Variants in RBFOX1 observed in about 807,000 individuals in gnomAD.
RBFOX1 encodes the protein RNA binding fox-1 homolog 1, also known as RNA binding protein fox-1 homolog 1.
Under a neutral mutation model 57.7 loss-of-function variants are expected in RBFOX1, and 8 were observed. The observed-to-expected ratio is 0.14, with a 90% confidence interval of 0.08 to 0.25. The LOEUF is 0.25. RBFOX1 is among the 10% of genes least tolerant of loss of function. The pLI, the probability that RBFOX1 is intolerant of heterozygous loss-of-function variation, is 1.00. For synonymous variants in RBFOX1, 326 were observed against 222.4 expected (o/e 1.47, Z -4.15); for missense variants, 611 against 548.5 (o/e 1.11, Z -1.14).
At chr16:5,398,036 G>C (rs1312617367) in intron 1 of RBFOX1, among the ~76,000 whole-genome samples, 2 of 151,560 alleles carry the variant, frequency 1.3e-5, no homozygotes, top group Non-Finnish European at 2.9e-5. Flanking sequence ...TAATTGAATT[G>C]TGGTTGGTGC....
Position 6,746,026 on chromosome 16 carries a change from A to G in RBFOX1, c.-16+91376A>G, listed in dbSNP as rs187208930. Among the ~76,000 whole-genome samples the G allele has an allele frequency of 2.0e-5, 3 of 152,376 alleles. No individual in the cohort carries two copies. The East Asian group carries it at 5.8e-4, about 29-fold the overall frequency. ...GCTTAAAAATATCATTTGCAATAGCATTTTGAACAGTGAAATACTTAGAGG... is the reference window on the plus strand; with the variant it reads ...GCTTAAAAATATCATTTGCAATAGCGTTTTGAACAGTGAAATACTTAGAGG... On this transcript the variant is annotated intron_variant, in intron 3 of 15. Coordinates refer to ENST00000550418, the MANE Select transcript of RBFOX1 (RefSeq NM_018723.4).
At chr16:7,395,759 T>A (rs1299097526) in intron 4 of RBFOX1, among the ~76,000 whole-genome samples, 1 of 152,236 alleles carries the variant, frequency 6.6e-6, no homozygotes, top group Non-Finnish European at 1.5e-5. Context: ...AATAGCAATC[T>A]GCAATAAGTT....
intron 3 of RBFOX1, among the ~76,000 whole-genome samples, chr16:6,886,256 C>T (rs7196366): frequency 0.67 from 101,019 of 151,078 alleles, 34,075 homozygotes; most frequent in East Asian, 0.85. Context: ...GAGACGAGGT[C>T]TCACCATGTT....
At chr16:5,354,177 C>G (rs534129674) in intron 1 of RBFOX1, among the ~76,000 whole-genome samples, 11 of 152,302 alleles carry the variant, frequency 7.2e-5, no homozygotes, top group African/African-American at 2.4e-4. Context: ...GGTGCACTTG[C>G]GGGAGCTGTT....
At chr16:7,440,006 C>T (rs1483017441) in intron 4 of RBFOX1, among the ~76,000 whole-genome samples, 1 of 140,162 alleles carries the variant, frequency 7.1e-6, no homozygotes, top group African/African-American at 2.7e-5. Flanking sequence ...GGCTGCAGTG[C>T]AGTGGTGAGA....
chr16:7,268,760 A>G (rs2095242127), intron 4 of RBFOX1, among the ~76,000 whole-genome samples: 1 of 152,212 alleles, frequency 6.6e-6, no homozygotes, highest in Admixed American at 6.5e-5. Context: ...TCGGCTGGGC[A>G]CAGTGGCTCA....
intron 2 of RBFOX1, among the ~76,000 whole-genome samples, chr16:5,487,418 C>T (rs1449371648): frequency 1.3e-5 from 2 of 152,180 alleles, no homozygotes; most frequent in Admixed American, 1.3e-4. Context: ...TCAGATCTTG[C>T]AGAAGCTGAC....
chr16:6,828,173 G>C (rs1196562196), intron 3 of RBFOX1, among the ~76,000 whole-genome samples: 1 of 152,126 alleles, frequency 6.6e-6, no homozygotes, highest in East Asian at 1.9e-4. Flanking sequence ...CTCACAGATG[G>C]AGTCTCAGCA....
chr16:7,495,541 G>C (rs1567503028), intron 4 of RBFOX1, among the ~76,000 whole-genome samples: 1 of 152,112 alleles, frequency 6.6e-6, no homozygotes, highest in Non-Finnish European at 1.5e-5. Context: ...ATCTCACTGT[G>C]GTTTAGATGG....
intron 3 of RBFOX1, among the ~76,000 whole-genome samples, chr16:5,641,040 A>C (rs2048852499): frequency 6.6e-6 from 1 of 151,596 alleles, no homozygotes; most frequent in African/African-American, 2.4e-5. Flanking sequence ...ACACCCATGC[A>C]CACACATATG....
At chr16:6,786,239 C>T (rs143338084) in intron 3 of RBFOX1, among the ~76,000 whole-genome samples, 1,634 of 152,260 alleles carry the variant, frequency 0.011, 34 homozygotes, top group African/African-American at 0.038. Context: ...GAACTGGACC[C>T]TCACAAGTAT....
chr16:6,762,296 A>G (rs1453387059), intron 3 of RBFOX1, among the ~76,000 whole-genome samples: 3 of 152,220 alleles, frequency 2.0e-5, no homozygotes, highest in Admixed American at 6.5e-5. Flanking sequence ...TAGTGAAAAT[A>G]CTGACTTTTG....
At chr16:6,847,554 G>A (rs926624290) in intron 3 of RBFOX1, among the ~76,000 whole-genome samples, 11 of 152,064 alleles carry the variant, frequency 7.2e-5, no homozygotes, top group Admixed American at 1.3e-4. Flanking sequence ...AAGGTGTAGG[G>A]AAGTGTGGTC....
At chr16:6,129,494 G>T (rs1302486397) in intron 1 of RBFOX1, among the ~76,000 whole-genome samples, 1 of 152,006 alleles carries the variant, frequency 6.6e-6, no homozygotes, top group African/African-American at 2.4e-5. Flanking sequence ...AGGAAACAAA[G>T]GTAGTAAAAT....
rs150316862 is a variant in RBFOX1, at chr16:6,942,429, G to C, written c.-15-109628G>C. 5.5e-3 allele frequency among the ~76,000 whole-genome samples: 844 copies of C among 152,238 alleles called. 8 individuals are homozygous for C. Among genetic ancestry groups the C allele is most frequent in the African/African-American group, 0.019 (785 of 41,520 alleles). On this transcript the variant is annotated intron_variant, in intron 3 of 15. Coordinates refer to ENST00000550418, the MANE Select transcript of RBFOX1 (RefSeq NM_018723.4). ...CTCCGTCAGCCTCCCAAAATGCTGG[G>C]ATTACAGTTTTGAGCCATTGTGCCC... is the stretch of plus-strand genomic sequence containing the variant.
chr16:5,955,370 A>T (rs78168767), intron 4 of RBFOX1, among the ~76,000 whole-genome samples: 1 of 45,586 alleles, frequency 2.2e-5, no homozygotes, highest in Admixed American at 2.5e-4. Flanking sequence ...ATAAAATAAA[A>T]TAAAATAAAA....
chr16:7,084,425 G>C (rs140197219), intron 4 of RBFOX1, among the ~76,000 whole-genome samples: 1 of 152,152 alleles, frequency 6.6e-6, no homozygotes, highest in Admixed American at 6.5e-5. Context: ...GAGGAAAAAA[G>C]AAAATGTGAA....
intron 1 of RBFOX1, among the ~76,000 whole-genome samples, chr16:6,271,475 C>T (rs776665129): frequency 6.6e-6 from 1 of 151,938 alleles, no homozygotes; most frequent in South Asian, 2.1e-4. Context: ...GAGCAGAAAT[C>T]GATGAAATTC....
At chr16:6,541,464 G>A (rs550417365) in intron 2 of RBFOX1, among the ~76,000 whole-genome samples, 3 of 152,296 alleles carry the variant, frequency 2.0e-5, no homozygotes, top group South Asian at 2.1e-4. Context: ...CAGTGAATAG[G>A]TAAGTCAGTG....
Sources: gnomAD v4.1 joint callset for allele counts (sites outside exome capture counted in the v4.1 genomes callset) on GRCh38, gnomAD v4.1.1 for gene constraint, MANE v1.5 for transcripts, NCBI Gene and HGNC (gene_info 2026-07-23, HGNC 2026-07-21) for gene names.